PDGFRA: variants seen among roughly 807,000 people sequenced by gnomAD.
PDGFRA encodes platelet derived growth factor receptor alpha.
PDGFRA carries 25 observed loss-of-function variants against 121.5 expected under a neutral mutation model. The ratio of observed to expected loss-of-function variants is 0.21; its 90% CI spans 0.15 to 0.29. The LOEUF (loss-of-function observed/expected upper bound fraction) is 0.29. Among genes scored for constraint, PDGFRA ranks in the 10% least tolerant of loss-of-function variants. The probability of loss-of-function intolerance (pLI) is 1.00; values close to 1 mark genes in which losing one functional copy is unlikely to be tolerated. For missense variants in PDGFRA, 1,008 were observed against 1,345.1 expected (o/e 0.75, Z 3.92); for synonymous variants, 463 against 494.8 (o/e 0.94, Z 0.85).
chr4:54,280,759 T>A lies in PDGFRA; in HGVS notation c.2323+277T>A, dbSNP rs1388997. 154,939 of 208,024 alleles carry A rather than the reference T, an allele frequency of 0.74. 59,742 individuals are homozygous for A. The highest frequency in any genetic ancestry group is 0.87 in the Middle Eastern group (489 of 560). The allele number at this position is 208,024 out of a possible 1,614,324, so 12.9% of individuals were successfully genotyped here. The stretch of plus-strand genomic sequence containing the variant: ...GGTGTGTTCCTGCAGTAAACATTTT[T>A]TAAAAAAAATAATTATTTATTCTGA... On this transcript the variant is annotated intron_variant, in intron 16 of 22. Coordinates refer to ENST00000257290, the MANE Select transcript of PDGFRA (RefSeq NM_006206.6).
intron 1 of PDGFRA, among the ~76,000 whole-genome samples, chr4:54,244,681 G>A (rs150786207): frequency 0.016 from 2,503 of 152,320 alleles, 64 homozygotes; most frequent in African/African-American, 0.056. Context: ...CCAGAGGAAC[G>A]CAGCTCCTCA....
rs766197882 is a variant in PDGFRA, at chr4:54,263,704, T to G, written c.405T>G (p.Asp135Glu). ...DVAFVPLGMT[D>E]YLVIVEDDDS... ...CCTTTGTACCTCTAGGAATGACGGA[T>G]TATTTAGTCATCGTGGAGGATGATG... The change falls in exon 4 of 23, where the codon GAT becomes GAG. Residue 135 changes from aspartate to glutamate, a missense_variant. Asp to Glu is a conservative substitution (Grantham distance 45). This residue lies in a region of PDGFRA where 575 missense variants were observed against 701.8 expected (regional missense o/e 0.82). Transcript: ENST00000257290. 6.2e-7 allele frequency: 1 copy of G among 1,613,910 alleles called. No homozygotes were observed. The highest frequency in any genetic ancestry group is 1.7e-5 in the Admixed American group (1 of 60,018).
rs1197237938 is a variant in PDGFRA, at chr4:54,272,444, G to T, written c.1288G>T (p.Gly430Ter). 1 of 1,613,810 alleles carries T rather than the reference G, an allele frequency of 6.2e-7. No homozygotes were observed. The highest frequency in any genetic ancestry group is 2.2e-5 in the East Asian group (1 of 44,834). Residue 430 changes from glycine to a stop codon, truncating the protein, a stop_gained, in exon 9 of 23, where the codon GGA becomes TGA. Coordinates refer to ENST00000257290, the MANE Select transcript of PDGFRA (RefSeq NM_006206.6). LOFTEE classifies it high-confidence loss of function. Reference sequence around the variant, plus strand: ...CGATGATCACCATGGCTCAACTGGGGGACAGACGGTGAGGTGCACAGCTGA... The same window carrying T: ...CGATGATCACCATGGCTCAACTGGGTGACAGACGGTGAGGTGCACAGCTGA... ...LVDDHHGSTG[G>*]QTVRCTAEGT...
rs778364880 is a variant in PDGFRA at position 54,263,710 on chromosome 4, A to G, written c.411A>G (p.Leu137=). Residue 137 remains leucine, a synonymous_variant, in exon 4 of 23, where the codon TTA becomes TTG. Transcript: ENST00000257290. ...AFVPLGMTDY[L]VIVEDDDSAI... ...TACCTCTAGGAATGACGGATTATTT[A>G]GTCATCGTGGAGGATGATGATTCTG... 4 of 1,613,792 alleles carry G rather than the reference A, an allele frequency of 2.5e-6. No individual in the cohort carries two copies. In the South Asian group the frequency reaches 3.3e-5, roughly 13 times the overall value.
intron 1 of PDGFRA, among the ~76,000 whole-genome samples, chr4:54,238,339 A>G (rs528842268): frequency 1.3e-5 from 2 of 152,252 alleles, no homozygotes; most frequent in Admixed American, 6.5e-5. Context: ...ACCAAACCCA[A>G]CTAGGGCTAA....
rs2110323434 is a variant in PDGFRA at position 54,280,341 on chromosome 4, A to G, written c.2182A>G (p.Asn728Asp). 1 of 1,613,894 alleles carries G rather than the reference A, an allele frequency of 6.2e-7. No individual in the cohort carries two copies. The highest frequency in any genetic ancestry group is 8.5e-7 in the Non-Finnish European group (1 of 1,179,748). ...CTATGTTATTTTATCTTTTGAAAAC[A>G]ATGGTGACTACATGGACATGAAGCA... Reference protein sequence around the residue: ...RSYVILSFENNGDYMDMKQAD... With the variant: ...RSYVILSFENDGDYMDMKQAD... The change falls in exon 16 of 23, where the codon AAT becomes GAT. Residue 728 changes from asparagine to aspartate, a missense_variant. Physicochemically the swap from Asn to Asp is conservative, Grantham distance 23. This residue lies in a region of PDGFRA where 128 missense variants were observed against 147.6 expected (regional missense o/e 0.87). Coordinates refer to ENST00000257290, the MANE Select transcript of PDGFRA (RefSeq NM_006206.6).
chr4:54,285,648 C>T lies in PDGFRA; in HGVS notation c.2439+162C>T, dbSNP rs73820711. On this transcript the variant is annotated intron_variant, in intron 17 of 22. Transcript: ENST00000257290. ...CTACGCAGGTCAGGGAGTCTGAAATCATCAGGCATCTACTCTTCTCTAGAG... is the reference window on the plus strand; with the variant it reads ...CTACGCAGGTCAGGGAGTCTGAAATTATCAGGCATCTACTCTTCTCTAGAG... Among the ~76,000 whole-genome samples, 5,845 of 152,220 alleles carry T rather than the reference C, an allele frequency of 0.038. 359 individuals are homozygous for T. Among genetic ancestry groups the T allele is most frequent in the African/African-American group, 0.13 (5,458 of 41,498 alleles).
rs866516451 is a variant in PDGFRA, at chr4:54,274,587, A to G, written c.1615A>G (p.Ile539Val). ...AAVLVLLVIV[I>V]ISLIVLVVIW... is the part of the protein sequence containing the mutation. ...AGTCCTGGTGCTGTTGGTGATTGTG[A>G]TCATCTCACTTATTGTCCTGGTTGT... The change falls in exon 11 of 23, where the codon ATC becomes GTC. Residue 539 changes from isoleucine (I) to valine (V), a missense_variant. By Grantham distance (29) the Ile-to-Val change is conservative. Around this residue, in one of 5 missense-constraint regions of PDGFRA, gnomAD observed 575 missense variants for 701.8 expected, o/e 0.82. Transcript: ENST00000257290. 9.3e-6 allele frequency: 15 copies of G among 1,613,762 alleles called. No individual in the cohort carries two copies. The African/African-American group carries it at 1.9e-4, about 20-fold the overall frequency.
chr4:54,232,913 C>G (rs1018111948), intron 1 of PDGFRA, among the ~76,000 whole-genome samples: 3 of 152,252 alleles, frequency 2.0e-5, no homozygotes, highest in African/African-American at 7.2e-5. Flanking sequence ...GCCGAGAGGG[C>G]GCATGCTAGC....
In PDGFRA at chr4:54,255,030, G is replaced by C. The variant is rs544359996; in HGVS notation, c.-12-3727G>C. On this transcript the variant is annotated intron_variant, in intron 1 of 22. Coordinates refer to ENST00000257290, the MANE Select transcript of PDGFRA (RefSeq NM_006206.6). ...CTAAAACACTGACCTTCCCTTGAGA[G>C]AGACCATATGGTGAAGTGGAGAGGG... Among the ~76,000 whole-genome samples, 3 of 152,316 alleles carry C rather than the reference G, an allele frequency of 2.0e-5. No homozygotes were observed. In the East Asian group the frequency reaches 5.8e-4, roughly 29 times the overall value.
intron 1 of PDGFRA, among the ~76,000 whole-genome samples, chr4:54,239,269 C>T (rs887146151): frequency 1.6e-4 from 24 of 152,342 alleles, no homozygotes; most frequent in African/African-American, 5.1e-4. Flanking sequence ...TCTTCTACCG[C>T]TTGTTGAGCG....
In PDGFRA at chr4:54,297,073, C is replaced by T; in HGVS notation, c.*1801C>T. On this transcript the variant is annotated 3_prime_UTR_variant, in exon 23 of 23. Coordinates refer to ENST00000257290, the MANE Select transcript of PDGFRA (RefSeq NM_006206.6). The stretch of plus-strand genomic sequence containing the variant: ...TTCAGTGTTCCAAGTCTCTGTGTAA[C>T]CAGCTCAGTGTTTTGGTGGAAAAAA... The T allele has an allele frequency of 4.3e-6, 1 of 233,148 alleles. No individual in the cohort carries two copies. 14.4% of individuals were successfully genotyped at this position (233,148 alleles called of 1,614,324 possible). A position where few individuals can be genotyped will look rare whatever the true frequency, so the allele number is the denominator to read the frequency against.
At chr4:54,240,620 G>A (rs1721249644) in intron 1 of PDGFRA, among the ~76,000 whole-genome samples, 1 of 152,188 alleles carries the variant, frequency 6.6e-6, no homozygotes, top group Non-Finnish European at 1.5e-5. Flanking sequence ...TTTGCTCCAG[G>A]AGGTGGGAAT....
chr4:54,293,805 A>G (rs987336931), intron 22 of PDGFRA, among the ~76,000 whole-genome samples: 4 of 152,050 alleles, frequency 2.6e-5, no homozygotes, highest in African/African-American at 9.7e-5. Flanking sequence ...ACGTGGTCAG[A>G]TGGAGGAGAC....
chr4:54,273,107 C>T (rs992997878), intron 9 of PDGFRA, among the ~76,000 whole-genome samples: 1 of 152,158 alleles, frequency 6.6e-6, no homozygotes, highest in African/African-American at 2.4e-5. Flanking sequence ...GGTCTTATAA[C>T]TCAATCTGAG....
chr4:54,276,459 C>A (rs1184665876), intron 12 of PDGFRA, among the ~76,000 whole-genome samples: 2 of 152,124 alleles, frequency 1.3e-5, no homozygotes, highest in East Asian at 3.9e-4. Context: ...CAAGGAGAAT[C>A]CATGGGGCGG....
At chr4:54,258,732 T>C (rs367592917) in intron 1 of PDGFRA, 25 bp from the exon 2 acceptor site, 32 of 1,490,222 alleles carry the variant, frequency 2.1e-5, no homozygotes, top group Non-Finnish European at 2.9e-5. Context: ...CTAATGCTGT[T>C]TCTGTTGACT....
chr4:54,286,005 C>T (rs2110338653), intron 18 of PDGFRA, 42 bp downstream of exon 18: 2 of 1,601,120 alleles, frequency 1.2e-6, no homozygotes, highest in Non-Finnish European at 1.7e-6. Flanking sequence ...CATCCTCCTT[C>T]ACTTTAATCT....
At chr4:54,245,892 A>C (rs1422643731) in intron 1 of PDGFRA, among the ~76,000 whole-genome samples, 1 of 152,004 alleles carries the variant, frequency 6.6e-6, no homozygotes, top group Non-Finnish European at 1.5e-5. Flanking sequence ...ATGGAAAACA[A>C]AAAAAGGCAG....
Sources: gnomAD v4.1 joint callset for allele counts (sites outside exome capture counted in the v4.1 genomes callset) on GRCh38, gnomAD v4.1.1 for gene constraint, gnomAD v4.1.1 regional missense constraint, MANE v1.5 for transcripts, NCBI Gene and HGNC (gene_info 2026-07-23, HGNC 2026-07-21) for gene names.